NPIPB2: variants seen among roughly 807,000 people sequenced by gnomAD.
NPIPB2 encodes the protein nuclear pore complex-interacting protein family member B2.
A neutral mutation model predicts 30.8 loss-of-function variants in NPIPB2; 27 were observed. The observed-to-expected ratio is 0.88, with a 90% CI of 0.65 to 1.21. NPIPB2 has a LOEUF of 1.21. Ranked by LOEUF, NPIPB2 falls within the 50% of genes most tolerant of loss-of-function variation. The probability of loss-of-function intolerance (pLI) is 0.00; values close to 1 mark genes in which losing one functional copy is unlikely to be tolerated. For synonymous variants in NPIPB2, 147 were observed against 162.0 expected, an observed-to-expected ratio of 0.91 and a Z score of 0.70; for missense variants, 440 against 446.2, an observed-to-expected ratio of 0.99 and a Z score of 0.13.
chr16:11,944,750 A>C (rs1173971270), upstream of NPIPB2, among the ~76,000 whole-genome samples: 8 of 150,564 alleles, frequency 5.3e-5, no homozygotes, highest in Non-Finnish European at 8.9e-5. Flanking sequence ...AAAAAAAAAA[A>C]AAAAAAAAAA....
upstream of NPIPB2, among the ~76,000 whole-genome samples, chr16:11,946,988 C>T (rs2055016796): frequency 6.7e-6 from 1 of 148,394 alleles, no homozygotes. Context: ...TCCCAAAGTG[C>T]TGGGATTACA....
rs1390584675 is a variant in NPIPB2, at chr16:11,961,775, G to GT, written c.-584+14792dup. Among the ~76,000 whole-genome samples the GT allele has an allele frequency of 2.3e-3, 295 of 126,908 alleles. 2 individuals are homozygous for GT. Among genetic ancestry groups the GT allele is most frequent in the African/African-American group, 8.2e-3 (276 of 33,814 alleles). The allele number at this position is 126,908 out of a possible 152,430, so 83.3% of individuals were successfully genotyped here. ...AGCCTGGGTGACAGAGTGAGACCCT[G>GT]TTTAAAAAAAAAAAAAAAAAAGGTA... On this transcript the variant is annotated intron_variant, in intron 1 of 5. Transcript: ENST00000538896.
chr16:11,954,713 C>T (rs1049827601), intron 1 of NPIPB2, among the ~76,000 whole-genome samples: 2 of 151,932 alleles, frequency 1.3e-5, no homozygotes, highest in Non-Finnish European at 2.9e-5. Context: ...CAAGACCATC[C>T]TGGCTAACAC....
chr16:11,946,340 G>T (rs9922621), upstream of NPIPB2, among the ~76,000 whole-genome samples: 464 of 142,192 alleles, frequency 3.3e-3, 5 homozygotes, highest in African/African-American at 0.012. Flanking sequence ...AGCCGAGATC[G>T]TACCGTTGCA....
intron 1 of NPIPB2, among the ~76,000 whole-genome samples, chr16:11,951,713 T>A (rs1353581694): frequency 6.7e-6 from 1 of 149,476 alleles, no homozygotes; most frequent in African/African-American, 2.5e-5. Flanking sequence ...AGGGAAAAGG[T>A]TTTTTATGGT....
chr16:11,936,925 A>G (rs2054875387), intron 2 of NPIPB2, among the ~76,000 whole-genome samples: 1 of 151,666 alleles, frequency 6.6e-6, no homozygotes, highest in Non-Finnish European at 1.5e-5. Context: ...CCTCAGAGGA[A>G]CTTTGTCTCA....
exon 8 of NPIPB2, chr16:11,927,407 C>G (rs867918463): frequency 9.8e-7 from 1 of 1,025,106 alleles, no homozygotes; most frequent in African/African-American, 1.6e-5. Context: ...TCTCAGCTTA[C>G]TCAACCTCCG....
At chr16:11,941,508 C>T (rs71388717) in intron 1 of NPIPB2, among the ~76,000 whole-genome samples, 30,062 of 149,490 alleles carry the variant, frequency 0.2, 5,325 homozygotes, top group African/African-American at 0.49. Flanking sequence ...AGTTCTCAAG[C>T]GCTGGTGGAA....
chr16:11,969,092 C>T (rs1309665514), intron 1 of NPIPB2, among the ~76,000 whole-genome samples: 1 of 151,850 alleles, frequency 6.6e-6, no homozygotes, highest in African/African-American at 2.4e-5. Context: ...GTCTTGAACT[C>T]CTGACCTCAG....
At chr16:11,956,989 A>C (rs911827657) in intron 1 of NPIPB2, among the ~76,000 whole-genome samples, 1 of 151,978 alleles carries the variant, frequency 6.6e-6, no homozygotes, top group Non-Finnish European at 1.5e-5. Context: ...TAATTAATTA[A>C]TTAATTCTTC....
chr16:11,932,399 T>C (rs944260403), intron 4 of NPIPB2, among the ~76,000 whole-genome samples: 15 of 149,850 alleles, frequency 1.0e-4, no homozygotes, highest in African/African-American at 1.5e-4. Flanking sequence ...TGGCTCACAC[T>C]GGGAGGCTGA....
chr16:11,931,940 A>G (rs2150908240), intron 4 of NPIPB2, among the ~76,000 whole-genome samples: 1 of 150,810 alleles, frequency 6.6e-6, no homozygotes, highest in South Asian at 2.1e-4. Flanking sequence ...AACTACTGAG[A>G]TGCAAAGAAG....
At chr16:11,937,745 A>T in intron 1 of NPIPB2, 77 bp from the exon 2 acceptor site, 11 of 1,550,752 alleles carry the variant, frequency 7.1e-6, no homozygotes, top group Non-Finnish European at 9.6e-6. Context: ...TCATCCTTAG[A>T]AACCGTCAAC....
intron 1 of NPIPB2, among the ~76,000 whole-genome samples, chr16:11,963,025 C>G (rs951937010): frequency 5.9e-5 from 9 of 151,910 alleles, no homozygotes; most frequent in African/African-American, 1.7e-4. Context: ...ACTACTGTAC[C>G]CCAGCCTGGC....
chr16:11,966,578 C>T (rs2055195949), intron 1 of NPIPB2, among the ~76,000 whole-genome samples: 1 of 152,166 alleles, frequency 6.6e-6, no homozygotes, highest in South Asian at 2.1e-4. Context: ...CTGTTAATTA[C>T]TCTATTGAAA....
At chr16:11,956,743 G>A (rs1424564435) in intron 1 of NPIPB2, among the ~76,000 whole-genome samples, 1 of 152,210 alleles carries the variant, frequency 6.6e-6, no homozygotes, top group Non-Finnish European at 1.5e-5. Context: ...CTGAGAACCA[G>A]ATGCTCATGC....
At chr16:11,972,210 T>C (rs754304774) in intron 1 of NPIPB2, among the ~76,000 whole-genome samples, 2 of 152,118 alleles carry the variant, frequency 1.3e-5, no homozygotes, top group African/African-American at 2.4e-5. Context: ...GTGGAGACCG[T>C]AGTTCTGTCA....
chr16:11,951,107 C>G (rs1268505383), intron 1 of NPIPB2, among the ~76,000 whole-genome samples: 3 of 151,750 alleles, frequency 2.0e-5, no homozygotes, highest in Non-Finnish European at 1.5e-5. Flanking sequence ...TTAGCAATAC[C>G]TCATTAAATC....
intron 4 of NPIPB2, among the ~76,000 whole-genome samples, chr16:11,932,775 CAAAAAAAAAAAAAAAAAA>C (rs71230716): frequency 1.0e-3 from 5 of 4,930 alleles, no homozygotes; most frequent in Non-Finnish European, 2.0e-3. Context: ...GACTCTGTCT[CAAAAAAAAAAAAAAAAAA>C]AAAAAAAAAA....
Sources: gnomAD v4.1 joint callset for allele counts (sites outside exome capture counted in the v4.1 genomes callset) on GRCh38, gnomAD v4.1.1 for gene constraint, MANE v1.5 for transcripts, NCBI Gene and HGNC (gene_info 2026-07-23, HGNC 2026-07-21) for gene names.